ASTN2: variants seen among roughly 807,000 people sequenced by gnomAD.
ASTN2 encodes astrotactin 2, also known as astrotactin-2.
ASTN2 carries 54 observed loss-of-function variants against 139.8 expected under a neutral mutation model. The ratio of observed to expected loss-of-function variants is 0.39; its 90% CI spans 0.31 to 0.48. ASTN2 has a LOEUF of 0.48. ASTN2 is among the 20% of genes least tolerant of loss of function. ASTN2 has a pLI of 0.95. For synonymous variants in ASTN2, 756 were observed against 719.5 expected, an observed-to-expected ratio of 1.05 and a Z score of -0.81; for missense variants, 1,565 against 1,725.1, an observed-to-expected ratio of 0.91 and a Z score of 1.64.
chr9:116,623,701 G>A (rs1856291960), intron 17 of ASTN2, among the ~76,000 whole-genome samples: 2 of 152,142 alleles, frequency 1.3e-5, no homozygotes, highest in South Asian at 2.1e-4. Context: ...CTATCCCTCC[G>A]TTAAGTGCTC....
intron 10 of ASTN2, among the ~76,000 whole-genome samples, chr9:116,873,173 C>T (rs1833209522): frequency 6.6e-6 from 1 of 152,146 alleles, no homozygotes; most frequent in African/African-American, 2.4e-5. Flanking sequence ...TGATACATCC[C>T]CATTTCATAG....
rs186020609 is a variant in ASTN2, at chr9:116,804,842, G to A, written c.2396+790C>T. Among the ~76,000 whole-genome samples, 96 of 149,750 alleles carry A rather than the reference G, an allele frequency of 6.4e-4. 2 individuals carry two copies. Among genetic ancestry groups the A allele is most frequent in the Admixed American group, 6.1e-3 (91 of 15,024 alleles). ...TTAAAAGTATAATGTGTGTGTGTAC[G>A]TGTGTGTGTGTGTGAGTGTGTGTTT... is the stretch of plus-strand genomic sequence containing the variant. On this transcript the variant is annotated intron_variant, in intron 13 of 22. Transcript: ENST00000313400.
rs186167817 is a variant in ASTN2 at position 116,808,227 on chromosome 9, T to C, written c.2208-2407A>G. Among the ~76,000 whole-genome samples the C allele has an allele frequency of 4.0e-4, 61 of 152,346 alleles. No individual in the cohort carries two copies. In the East Asian group the frequency reaches 9.8e-3, roughly 25 times the overall value. On this transcript the variant is annotated intron_variant, in intron 12 of 22. Transcript: ENST00000313400. The stretch of plus-strand genomic sequence containing the variant: ...CTTTCTGTCCCAGAGGTCACCATTG[T>C]TAATTTTTATGTGCTCTTCCAGGAG...
At chr9:117,312,936 G>C (rs1453129300) in intron 1 of ASTN2, among the ~76,000 whole-genome samples, 1 of 152,182 alleles carries the variant, frequency 6.6e-6, no homozygotes, top group Non-Finnish European at 1.5e-5. Flanking sequence ...GCCTGTCTCA[G>C]TGATATCTCA....
chr9:116,602,890 A>T (rs1465527061), intron 19 of ASTN2, among the ~76,000 whole-genome samples: 1 of 152,208 alleles, frequency 6.6e-6, no homozygotes, highest in East Asian at 1.9e-4. Flanking sequence ...AGATCACACC[A>T]GTGCACTCCA....
intron 5 of ASTN2, among the ~76,000 whole-genome samples, chr9:117,054,043 A>G (rs75436857): frequency 6.6e-6 from 1 of 151,612 alleles, no homozygotes; most frequent in African/African-American, 2.4e-5. Flanking sequence ...AAAAAAAAAA[A>G]CAAAAGAGGA....
rs572110439 is a variant in ASTN2, at chr9:116,549,448, G to A, written c.3356-61948C>T. 3.9e-5 allele frequency among the ~76,000 whole-genome samples: 6 copies of A among 152,272 alleles called. No homozygotes were observed. The South Asian group carries it at 8.3e-4, about 21-fold the overall frequency. On this transcript the variant is annotated intron_variant, in intron 19 of 22. Coordinates refer to ENST00000313400, the MANE Select transcript of ASTN2 (RefSeq NM_001365068.1). ...AGTTCGTATTTGGCAATTGCAACCC[G>A]GGCAAGAGCTCTGATCCCAGCTGGG... is the stretch of plus-strand genomic sequence containing the variant.
At chr9:116,479,833 C>T (rs895383175) in intron 20 of ASTN2, among the ~76,000 whole-genome samples, 1 of 152,082 alleles carries the variant, frequency 6.6e-6, no homozygotes, top group African/African-American at 2.4e-5. Context: ...CCACTCTGAC[C>T]CCTGTCATTT....
At chr9:116,444,502 C>G (rs531099116) in intron 20 of ASTN2, among the ~76,000 whole-genome samples, 1 of 152,146 alleles carries the variant, frequency 6.6e-6, no homozygotes, top group Admixed American at 6.5e-5. Context: ...AAAACCCACA[C>G]TCTTTGCTCT....
chr9:116,547,805 G>A (rs1852163081), intron 19 of ASTN2: 2 of 152,232 alleles, frequency 1.3e-5, no homozygotes, highest in South Asian at 4.1e-4. Context: ...GGGTCTATTT[G>A]CAGGCAGGTC....
At chr9:117,345,109 C>T (rs187345060) in intron 1 of ASTN2, among the ~76,000 whole-genome samples, 80 of 152,180 alleles carry the variant, frequency 5.3e-4, no homozygotes, top group African/African-American at 1.8e-3. Context: ...TTTTCTGCAG[C>T]ACAAAGGAGC....
chr9:117,175,516 T>C (rs1184117739), intron 3 of ASTN2, among the ~76,000 whole-genome samples: 1 of 152,142 alleles, frequency 6.6e-6, no homozygotes. Flanking sequence ...GAGGGAGTCC[T>C]GCCCTTTCTG....
intron 13 of ASTN2, among the ~76,000 whole-genome samples, chr9:116,747,055 G>T (rs144155877): frequency 6.6e-5 from 10 of 152,102 alleles, no homozygotes; most frequent in Non-Finnish European, 1.5e-4. Context: ...CTCCCTTGCC[G>T]TCCTTCCTTC....
chr9:116,803,200 C>T (rs1830913741), intron 13 of ASTN2, among the ~76,000 whole-genome samples: 1 of 151,986 alleles, frequency 6.6e-6, no homozygotes, highest in Admixed American at 6.6e-5. Context: ...GCTCAAGACA[C>T]ACTTTCATAG....
chr9:116,679,481 T>C (rs1859705304), intron 16 of ASTN2, among the ~76,000 whole-genome samples: 1 of 152,136 alleles, frequency 6.6e-6, no homozygotes, highest in Non-Finnish European at 1.5e-5. Context: ...TAATATGACT[T>C]AGTATATGTT....
At chr9:116,483,896 G>A (rs1849252597) in intron 20 of ASTN2, among the ~76,000 whole-genome samples, 1 of 152,174 alleles carries the variant, frequency 6.6e-6, no homozygotes, top group Non-Finnish European at 1.5e-5. Flanking sequence ...CAGGGCATGA[G>A]CCCAGATTCC....
intron 6 of ASTN2, among the ~76,000 whole-genome samples, chr9:117,020,002 C>CTG (rs57575432): frequency 0.069 from 9,756 of 140,732 alleles, 323 homozygotes; most frequent in East Asian, 0.11. Flanking sequence ...TTCAGGGTTT[C>CTG]TGTGTGTGTG....
intron 16 of ASTN2, chr9:116,686,580 T>C: frequency 9.3e-7 from 1 of 1,071,058 alleles, no homozygotes; most frequent in East Asian, 2.6e-5. Flanking sequence ...ACCTCGTCCT[T>C]GCCAGATGCC....
Position 116,699,351 on chromosome 9 carries a change from C to G in ASTN2, c.2806+26420G>C. On this transcript the variant is annotated intron_variant, in intron 16 of 22. Coordinates refer to ENST00000313400, the MANE Select transcript of ASTN2 (RefSeq NM_001365068.1). This position sits in a 1 kb window ranked among gnomAD's most constrained non-coding sequence, Gnocchi z 4.2. ...CTTCACCCAGGGCTTAGGCCTCAAT[C>G]TGGAGAATCGGCAGAATGAGCACCA... The G allele has an allele frequency of 3.1e-6, 5 of 1,614,208 alleles. No individual in the cohort carries two copies. The highest frequency in any genetic ancestry group is 4.2e-6 in the Non-Finnish European group (5 of 1,180,036).
Sources: gnomAD v4.1 joint callset for allele counts (sites outside exome capture counted in the v4.1 genomes callset) on GRCh38, gnomAD v4.1.1 for gene constraint, Gnocchi (gnomAD v3.1) non-coding constraint, MANE v1.5 for transcripts, NCBI Gene and HGNC (gene_info 2026-07-23, HGNC 2026-07-21) for gene names.